The following SMARCA2 variants were observed in gnomAD, a reference collection of about 807,000 sequenced individuals.
SMARCA2 encodes the protein SWI/SNF-related matrix-associated actin-dependent regulator of chromatin subfamily A member 2.
SMARCA2 carries 61 observed loss-of-function variants against 199.8 expected under a neutral mutation model. The ratio of observed to expected loss-of-function variants is 0.31; its 90% confidence interval spans 0.25 to 0.38. SMARCA2 has a LOEUF of 0.38. Among genes scored for constraint, SMARCA2 ranks in the 10% least tolerant of loss-of-function variants. The pLI, the probability that SMARCA2 is intolerant of heterozygous loss-of-function variation, is 1.00. For synonymous variants in SMARCA2, 935 were observed against 732.0 expected (o/e 1.28, Z -4.48); for missense variants, 1,344 against 2,012.2 (o/e 0.67, Z 6.35).
Position 2,088,488 on chromosome 9 carries a change from C to A in SMARCA2, c.2770-12C>A, listed in dbSNP as rs911617323. ...TTTAAAAAATCAAATTCATAATAAG[C>A]CTCTCTTACAGGTGGACTTAAATGA... On this transcript the variant is annotated splice_polypyrimidine_tract_variant and intron_variant, in intron 18 of 33. Coordinates refer to ENST00000349721, the MANE Select transcript of SMARCA2 (RefSeq NM_003070.5). The A allele has an allele frequency of 6.4e-7, 1 of 1,564,696 alleles. No homozygotes were observed. The highest frequency in any genetic ancestry group is 1.4e-5 in the African/African-American group (1 of 71,670).
chr9:2,147,338 C>A (rs935610012), intron 27 of SMARCA2, among the ~76,000 whole-genome samples: 5 of 151,412 alleles, frequency 3.3e-5, no homozygotes, highest in African/African-American at 1.2e-4. Context: ...TAATCAGAAC[C>A]AGTGGTGCAT....
At chr9:2,044,943 G>C (rs1348882284) in intron 4 of SMARCA2, 1 of 152,168 alleles carries the variant, frequency 6.6e-6, no homozygotes, top group Non-Finnish European at 1.5e-5. Flanking sequence ...TCACAGACTA[G>C]ATTCTGGACC....
rs564815996 is a variant in SMARCA2, at chr9:2,166,294, G to C, written c.4200-4125G>C. 3.0e-4 allele frequency among the ~76,000 whole-genome samples: 46 copies of C among 152,132 alleles called. No homozygotes were observed. In the South Asian group the frequency reaches 5.0e-3, roughly 16 times the overall value. ...GGGGTATTCTGATCATTAATTACAGGGTGGTTAGCTTCCTTATTCTGGACA... is the reference window on the plus strand; with the variant it reads ...GGGGTATTCTGATCATTAATTACAGCGTGGTTAGCTTCCTTATTCTGGACA... On this transcript the variant is annotated intron_variant, in intron 28 of 33. Transcript: ENST00000349721.
intron 27 of SMARCA2, among the ~76,000 whole-genome samples, chr9:2,146,483 T>C (rs1824753017): frequency 6.6e-6 from 1 of 152,128 alleles, no homozygotes; most frequent in Admixed American, 6.5e-5. Context: ...TCCTAGGTAT[T>C]GTGGCTTTGT....
chr9:2,181,715 T>G, intron 30 of SMARCA2, 39 bp downstream of exon 30: 1 of 1,052,926 alleles, frequency 9.5e-7, no homozygotes, highest in Admixed American at 1.7e-5. Flanking sequence ...TTCAAGTAAA[T>G]AAAGGAGCAG....
chr9:2,130,701 A>C (rs1430516802), intron 27 of SMARCA2, among the ~76,000 whole-genome samples: 1 of 152,206 alleles, frequency 6.6e-6, no homozygotes, highest in Non-Finnish European at 1.5e-5. Context: ...ACATATACAT[A>C]CATACATACA....
At chr9:2,155,525 C>G (rs1825310146) in intron 27 of SMARCA2, among the ~76,000 whole-genome samples, 1 of 152,138 alleles carries the variant, frequency 6.6e-6, no homozygotes, top group Non-Finnish European at 1.5e-5. Context: ...TTGTGATCCA[C>G]CCGCCTTGGC....
chr9:2,175,874 T>TTTTG (rs200349414), intron 29 of SMARCA2, among the ~76,000 whole-genome samples: 9,719 of 151,098 alleles, frequency 0.064, 361 homozygotes, highest in East Asian at 0.15. Context: ...TTTGGGTTTT[T>TTTTG]TTTGTTTGTT....
chr9:2,132,956 A>G (rs1286773953), intron 27 of SMARCA2, among the ~76,000 whole-genome samples: 1 of 152,248 alleles, frequency 6.6e-6, no homozygotes, highest in Non-Finnish European at 1.5e-5. Flanking sequence ...AATAGTCCTC[A>G]GAGGTCTGAC....
intron 27 of SMARCA2, among the ~76,000 whole-genome samples, chr9:2,130,378 G>A (rs1823890245): frequency 6.6e-6 from 1 of 152,206 alleles, no homozygotes; most frequent in Non-Finnish European, 1.5e-5. Flanking sequence ...TAAGGCGATA[G>A]ATGAGAATCC....
At chr9:2,091,419 T>A (rs1822058142) in intron 19 of SMARCA2, among the ~76,000 whole-genome samples, 2 of 152,258 alleles carry the variant, frequency 1.3e-5, no homozygotes, top group South Asian at 4.1e-4. Flanking sequence ...GTGTTTCAGA[T>A]TCATCCATGT....
intron 4 of SMARCA2, chr9:2,042,251 C>G (rs1260711042): frequency 6.6e-6 from 1 of 152,166 alleles, no homozygotes; most frequent in East Asian, 1.9e-4. Context: ...TAGAGGCCAG[C>G]TGGTAACTAC....
At chr9:2,120,528 AC>A (rs1823411924) in intron 26 of SMARCA2, among the ~76,000 whole-genome samples, 2 of 152,190 alleles carry the variant, frequency 1.3e-5, no homozygotes, top group South Asian at 4.1e-4. Flanking sequence ...TGCATGCCAA[AC>A]AAAACACAAC....
chr9:2,059,986 CATCA>C (rs1820513057), intron 8 of SMARCA2, among the ~76,000 whole-genome samples: 1 of 151,918 alleles, frequency 6.6e-6, no homozygotes, highest in South Asian at 2.1e-4. Flanking sequence ...TGTTTAACCT[CATCA>C]TGTTGCTTAA....
intron 27 of SMARCA2, chr9:2,158,800 T>C: frequency 3.2e-6 from 2 of 625,464 alleles, no homozygotes; most frequent in Non-Finnish European, 5.1e-6. Context: ...ACTCTACTCT[T>C]TATGTGCGAA....
chr9:2,136,220 A>G (rs1288477111), intron 27 of SMARCA2, among the ~76,000 whole-genome samples: 1 of 138,646 alleles, frequency 7.2e-6, no homozygotes, highest in South Asian at 2.3e-4. Context: ...TACAGTTTCA[A>G]TCTGTTGCCC....
At chr9:2,183,373 TAA>T (rs1268670493) in intron 31 of SMARCA2, among the ~76,000 whole-genome samples, 1 of 152,202 alleles carries the variant, frequency 6.6e-6, no homozygotes, top group Non-Finnish European at 1.5e-5. Flanking sequence ...TCAACAATTC[TAA>T]GAGTATATAA....
At chr9:2,140,456 C>G (rs527679119) in intron 27 of SMARCA2, among the ~76,000 whole-genome samples, 2 of 152,158 alleles carry the variant, frequency 1.3e-5, no homozygotes, top group African/African-American at 4.8e-5. Flanking sequence ...TAGGGGTTCA[C>G]TGGTATATAT....
intron 27 of SMARCA2, among the ~76,000 whole-genome samples, chr9:2,124,838 A>G (rs1823617821): frequency 6.6e-6 from 1 of 152,110 alleles, no homozygotes. Flanking sequence ...TCTACTTCCC[A>G]TTTTTGGGAG....
Sources: gnomAD v4.1 joint callset for allele counts (sites outside exome capture counted in the v4.1 genomes callset) on GRCh38, gnomAD v4.1.1 for gene constraint, MANE v1.5 for transcripts, NCBI Gene and HGNC (gene_info 2026-07-23, HGNC 2026-07-21) for gene names.